PLXNA1: variants seen among roughly 807,000 people sequenced by gnomAD.
The protein encoded by PLXNA1 is plexin-A1.
A neutral mutation model predicts 191.7 loss-of-function variants in PLXNA1; 77 were observed. The ratio of observed to expected loss-of-function variants is 0.40; its 90% CI spans 0.33 to 0.49. PLXNA1 has a LOEUF of 0.49. Among genes scored for constraint, PLXNA1 ranks in the 20% least tolerant of loss-of-function variants. PLXNA1 has a pLI of 0.63. For missense variants in PLXNA1, 2,110 were observed against 2,660.2 expected (o/e 0.79, Z 4.55); for synonymous variants, 1,137 against 1,156.4 (o/e 0.98, Z 0.34).
chr3:126,989,105 G>T lies in PLXNA1; in HGVS notation c.512G>T (p.Gly171Val), dbSNP rs376022321. 5 of 1,612,996 alleles carry T rather than the reference G, an allele frequency of 3.1e-6. No homozygotes were observed. The highest frequency in any genetic ancestry group is 1.3e-5 in the African/African-American group (1 of 74,952). Residue 171 changes from glycine (G) to valine (V), a missense_variant, in exon 2 of 32, where the codon GGC becomes GTC. Gly to Val is a moderately radical substitution (Grantham distance 109). Around this residue, in one of 4 missense-constraint regions of PLXNA1, gnomAD observed 903 missense variants for 1,015.7 expected, o/e 0.89. Transcript: ENST00000393409. ...GTGCAGGAGGCAGGCAGCATGGCGG[G>T]CGTGCTCATTGCCGGGCCACCGGGC... ...SSVQEAGSMA[G>V]VLIAGPPGQG...
intron 9 of PLXNA1, among the ~76,000 whole-genome samples, chr3:127,011,745 G>A (rs1307993004): frequency 6.6e-6 from 1 of 152,210 alleles, no homozygotes; most frequent in Non-Finnish European, 1.5e-5. Flanking sequence ...CATGGGGCAG[G>A]GCATTCAGGG....
At chr3:127,009,970 G>A (rs943235316) in intron 9 of PLXNA1, among the ~76,000 whole-genome samples, 2 of 152,326 alleles carry the variant, frequency 1.3e-5, no homozygotes, top group East Asian at 3.9e-4. Context: ...AGTGTGGTTC[G>A]TGTCTTCACA....
At chr3:127,006,660 G>T (rs763029834) in intron 8 of PLXNA1, among the ~76,000 whole-genome samples, 9 of 152,222 alleles carry the variant, frequency 5.9e-5, no homozygotes, top group Admixed American at 2.0e-4. Context: ...GGTACCTGCT[G>T]CTTCTGGTTG....
At chr3:127,033,899 T>C (rs761027098) in intron 31 of PLXNA1, 23 bp from the exon 32 acceptor site, 2 of 1,573,248 alleles carry the variant, frequency 1.3e-6, no homozygotes. Flanking sequence ...CCCGGCATGC[T>C]GACAGTTCTC....
chr3:126,985,623 C>T (rs1172505643), intron 1 of PLXNA1, among the ~76,000 whole-genome samples: 1 of 152,212 alleles, frequency 6.6e-6, no homozygotes, highest in East Asian at 1.9e-4. Context: ...TCTGCCCATG[C>T]TCCCCTCCTA....
intron 29 of PLXNA1, 57 bp downstream of exon 29, chr3:127,030,469 C>T (rs2079203669): frequency 6.3e-7 from 1 of 1,592,090 alleles, no homozygotes; most frequent in Middle Eastern, 1.7e-4. Context: ...GATGTGTTCC[C>T]AGGGCCCTCG....
At chr3:127,019,876 G>A (rs1235319266) in intron 20 of PLXNA1, among the ~76,000 whole-genome samples, 1 of 152,160 alleles carries the variant, frequency 6.6e-6, no homozygotes, top group African/African-American at 2.4e-5. Context: ...CCTCACAGCG[G>A]GTGGAAGGAG....
intron 23 of PLXNA1, chr3:127,027,257 G>T (rs143023967): frequency 2.5e-5 from 6 of 244,652 alleles, no homozygotes; most frequent in Admixed American, 1.0e-4. Flanking sequence ...ATGCTACAGC[G>T]CGGGGAGCCG....
intron 23 of PLXNA1, chr3:127,026,378 T>C (rs1283488073): frequency 1.3e-5 from 2 of 152,192 alleles, no homozygotes; most frequent in Non-Finnish European, 2.9e-5. Flanking sequence ...AGATCTTGGC[T>C]TCTCCAGTTT....
rs1052854266 is a variant in PLXNA1, at chr3:127,036,507, C to G, written c.*2490C>G. On this transcript the variant is annotated 3_prime_UTR_variant, in exon 32 of 32. Transcript: ENST00000393409. ...CTGTTTACATGCGCAAGGATCAAGCCGACTACCTGTGCTGTCTACTGGGAC... is the reference window on the plus strand; with the variant it reads ...CTGTTTACATGCGCAAGGATCAAGCGGACTACCTGTGCTGTCTACTGGGAC... The G allele has an allele frequency of 6.6e-6, 1 of 152,486 alleles. No individual in the cohort carries two copies. The highest frequency in any genetic ancestry group is 1.5e-5 in the Non-Finnish European group (1 of 68,066). The allele number at this position is 152,486 out of a possible 1,614,324, so 9.4% of individuals were successfully genotyped here.
At position 127,004,893 on chromosome 3, in the gene PLXNA1, G is replaced by A. The variant is rs773750093; in HGVS notation, c.1628G>A (p.Arg543Gln). The A allele has an allele frequency of 1.1e-5, 18 of 1,597,146 alleles. No homozygotes were observed. Among genetic ancestry groups the A allele is most frequent in the East Asian group, 2.2e-5 (1 of 44,564 alleles). Residue 543 changes from arginine to glutamine, a missense_variant, in exon 6 of 32, where the codon CGG becomes CAG. Transcript: ENST00000393409. ...AACCCCTCTGCCTGCAGCTGCTCGC[G>A]GCGGGACGCCTGTGAGCGAGCAGAC... ...GWCVLHSICS[R>Q]RDACERADEP...
Position 127,017,419 on chromosome 3 carries a change from C to T in PLXNA1, c.3277-6C>T. 6.2e-7 allele frequency: 1 copy of T among 1,611,692 alleles called. No homozygotes were observed. The highest frequency in any genetic ancestry group is 8.5e-7 in the Non-Finnish European group (1 of 1,179,360). On this transcript the variant is annotated splice_polypyrimidine_tract_variant and splice_region_variant and intron_variant, in intron 17 of 31. Transcript: ENST00000393409. ...CCCGCCCAGCATCCCCACCCTGTGT[C>T]TCCAGGGCTGCCTGGTGTACAATGA... is the stretch of plus-strand genomic sequence containing the variant.
Position 126,983,297 on chromosome 3 carries a change from G to A in PLXNA1, c.-74+10G>A, listed in dbSNP as rs1406951028. On this transcript the variant is annotated intron_variant, in intron 1 of 31. Transcript: ENST00000393409. ...CGCCCCGGGGCGGCGGGTGAGTCGG[G>A]GCGCAACTTTCCCCGCGGCGCGGGA... Among the ~76,000 whole-genome samples, 3 of 144,520 alleles carry A rather than the reference G, an allele frequency of 2.1e-5. No homozygotes were observed. The South Asian group carries it at 6.3e-4, about 30-fold the overall frequency. The allele number at this position is 144,520 out of a possible 152,430, so 94.8% of individuals were successfully genotyped here.
chr3:127,016,895 C>T (rs752834867), intron 16 of PLXNA1, 49 bp from the exon 17 acceptor site: 39 of 1,508,354 alleles, frequency 2.6e-5, no homozygotes, highest in Non-Finnish European at 3.6e-5. Flanking sequence ...TTCCAGCTCA[C>T]TGGGCCCCAG....
intron 25 of PLXNA1, 41 bp from the exon 26 acceptor site, chr3:127,028,952 G>A: frequency 6.6e-7 from 1 of 1,518,344 alleles, no homozygotes; most frequent in Non-Finnish European, 9.1e-7. Context: ...GAGGGAAAGA[G>A]GGCCCCAGCG....
chr3:126,983,593 A>G (rs1470246682), intron 1 of PLXNA1, among the ~76,000 whole-genome samples: 1 of 146,744 alleles, frequency 6.8e-6, no homozygotes, highest in East Asian at 2.0e-4. Flanking sequence ...GCGGCCCGGG[A>G]TCCAGCGCCG....
rs778007839 is a variant in PLXNA1, at chr3:127,007,868, C to A, written c.2067C>A (p.Asn689Lys). Residue 689 changes from asparagine (N) to lysine (K), a missense_variant, in exon 9 of 32, where the codon AAC (asparagine) becomes AAA (lysine). Coordinates refer to ENST00000393409, the MANE Select transcript of PLXNA1 (RefSeq NM_032242.4). Reference protein sequence around the residue: ...WCKYRHVCTHNVADCAFLEGR... With the variant: ...WCKYRHVCTHKVADCAFLEGR... ...AATACCGCCACGTGTGCACACACAA[C>A]GTGGCTGACTGCGCCTTCCTGGAGG... is the stretch of plus-strand genomic sequence containing the variant. The A allele has an allele frequency of 6.2e-7, 1 of 1,612,368 alleles. No individual in the cohort carries two copies. Among genetic ancestry groups the A allele is most frequent in the South Asian group, 1.1e-5 (1 of 90,730 alleles).
intron 21 of PLXNA1, among the ~76,000 whole-genome samples, chr3:127,021,221 TTGC>T (rs2079150740): frequency 6.6e-6 from 1 of 152,238 alleles, no homozygotes; most frequent in Admixed American, 6.5e-5. Flanking sequence ...GTTCCTGGGC[TTGC>T]TGCCACACGG....
intron 14 of PLXNA1, 61 bp downstream of exon 14, chr3:127,014,892 G>T: frequency 6.3e-7 from 1 of 1,575,834 alleles, no homozygotes. Context: ...TGCCGCTCAG[G>T]GCTTCTGTGC....
Sources: allele counts gnomAD v4.1 joint callset (sites outside exome capture counted in the v4.1 genomes callset), GRCh38; gene constraint gnomAD v4.1.1; regional missense constraint gnomAD v4.1.1; transcripts MANE v1.5; gene names NCBI Gene and HGNC (gene_info 2026-07-23, HGNC 2026-07-21).